Variants in SETD1B observed in about 807,000 individuals in gnomAD.
The protein encoded by SETD1B is SET domain containing 1B, histone lysine methyltransferase.
In SETD1B, 7 loss-of-function variants were observed where a neutral mutation model predicts 148.0. The observed-to-expected ratio is 0.05, with a 90% CI of 0.03 to 0.09. The LOEUF is 0.09. Ranked by LOEUF, SETD1B falls within the 10% of genes least tolerant of loss-of-function variation. SETD1B has a pLI of 1.00. For missense variants in SETD1B, 2,155 were observed against 2,729.9 expected (o/e 0.79, Z 4.69); for synonymous variants, 1,361 against 1,186.5 (o/e 1.15, Z -3.02).
intron 13 of SETD1B, 53 bp downstream of exon 13, chr12:121,825,419 A>G: frequency 6.7e-7 from 1 of 1,502,344 alleles, no homozygotes. Context: ...GGCCACGGGG[A>G]TCCAGGGCAC....
chr12:121,791,313 A>G, the SETD1B span, among the ~76,000 whole-genome samples: 11 of 152,174 alleles, frequency 7.2e-5, no homozygotes, highest in African/African-American at 1.9e-4. Flanking sequence ...TTTAGTAGAG[A>G]TGGGGTTTCA....
In SETD1B at chr12:121,810,724, G is replaced by T. The variant is rs1566549532; in HGVS notation, c.1779G>T (p.Arg593=). The T allele has an allele frequency of 1.3e-6, 2 of 1,551,248 alleles. No homozygotes were observed. Among genetic ancestry groups the T allele is most frequent in the Non-Finnish European group, 1.7e-6 (2 of 1,146,908 alleles). The part of the protein sequence containing the change: ...DEELDLGLGP[R]PPPEPGPPDP... ...AGCTCGACCTGGGCCTTGGGCCTCG[G>T]CCTCCACCTGAGCCAGGCCCCCCGG... Residue 593 remains arginine (R), a synonymous_variant, in exon 6 of 17, where the codon CGG becomes CGT. Coordinates refer to ENST00000604567, the MANE Select transcript of SETD1B (RefSeq NM_001353345.2). This position sits in a 1 kb window ranked among gnomAD's most constrained non-coding sequence, Gnocchi z 7.6.
chr12:121,817,924 C>T lies in SETD1B; in HGVS notation c.3418+20C>T, dbSNP rs755716107. On this transcript the variant is annotated intron_variant, in intron 10 of 16. Coordinates refer to ENST00000604567, the MANE Select transcript of SETD1B (RefSeq NM_001353345.2). This position sits in a 1 kb window ranked among gnomAD's most constrained non-coding sequence, Gnocchi z 8.1. ...ATGAAGGTGAGCAGGGAGGCCGTGG[C>T]TGCCTGGCCCTCCCGGAGTCCCTCT... 7.3e-6 allele frequency: 11 copies of T among 1,512,160 alleles called. No individual in the cohort carries two copies. In the Admixed American group the frequency reaches 9.1e-5, roughly 13 times the overall value. 93.7% of individuals were successfully genotyped at this position (1,512,160 alleles called of 1,614,324 possible).
rs944810562 is a variant in SETD1B, at chr12:121,804,688, C to G, written c.-14-36C>G. 2.6e-6 allele frequency: 4 copies of G among 1,533,270 alleles called. No homozygotes were observed. Among genetic ancestry groups the G allele is most frequent in the African/African-American group, 1.4e-5 (1 of 71,698 alleles). The allele number at this position is 1,533,270 out of a possible 1,614,324, so 95.0% of individuals were successfully genotyped here. On this transcript the variant is annotated intron_variant, in intron 1 of 16. Transcript: ENST00000604567. The surrounding 1 kb of genome is among the most constrained non-coding windows in gnomAD (Gnocchi z 4.6). ...TGTGTAGAAGCGGCCGCCGCCGCCG[C>G]CGCGGCGGAGACGACAACAACTTGC...
At chr12:121,811,448 G>T (rs1876030012) in intron 6 of SETD1B, among the ~76,000 whole-genome samples, 2 of 151,670 alleles carry the variant, frequency 1.3e-5, no homozygotes, top group Non-Finnish European at 2.9e-5. Context: ...GGTGGGGGTG[G>T]GGTGCCATGT....
chr12:121,801,268 C>T (rs1875347485), upstream of SETD1B: 8 of 152,304 alleles, frequency 5.3e-5, no homozygotes, highest in Admixed American at 5.2e-4. Flanking sequence ...CTCCAAAGCA[C>T]TTCAATTTCT....
Position 121,810,031 on chromosome 12 carries a change from C to T in SETD1B, c.1086C>T (p.Gly362=). ...TCGGAGCAGTCGGCGGCACTGGGGG[C>T]AGCAGCGGTCCCCCGTTCAAGGCTC... The part of the protein sequence containing the change: ...LPFGAVGGTG[G]SSGPPFKAQP... The change falls in exon 6 of 17, where the codon GGC becomes GGT. Residue 362 remains glycine, a synonymous_variant. Coordinates refer to ENST00000604567, the MANE Select transcript of SETD1B (RefSeq NM_001353345.2). This position sits in a 1 kb window ranked among gnomAD's most constrained non-coding sequence, Gnocchi z 7.6. 6.5e-7 allele frequency: 1 copy of T among 1,550,382 alleles called. No homozygotes were observed. Among genetic ancestry groups the T allele is most frequent in the South Asian group, 1.2e-5 (1 of 84,064 alleles).
At position 121,817,069 on chromosome 12, in the gene SETD1B, G is replaced by A; in HGVS notation, c.2752G>A (p.Asp918Asn). 1.3e-6 allele frequency: 2 copies of A among 1,544,568 alleles called. No homozygotes were observed. Among genetic ancestry groups the A allele is most frequent in the Non-Finnish European group, 1.7e-6 (2 of 1,143,092 alleles). Residue 918 changes from aspartate to asparagine, a missense_variant, in exon 8 of 17, where the codon GAC becomes AAC. Physicochemically the swap from Asp to Asn is conservative, Grantham distance 23. Around this residue, in one of 11 missense-constraint regions of SETD1B, gnomAD observed 289 missense variants for 423.7 expected, o/e 0.68. Transcript: ENST00000604567. The surrounding 1 kb of genome is among the most constrained non-coding windows in gnomAD (Gnocchi z 8.1). ...CCCGGTGAAGTCGGGCGAGCACAAGGACGAGGACAGGCCGAAGCCCAAGGA... is the reference window on the plus strand; with the variant it reads ...CCCGGTGAAGTCGGGCGAGCACAAGAACGAGGACAGGCCGAAGCCCAAGGA... ...LTPVKSGEHK[D>N]EDRPKPKDRI...
At chr12:121,796,434 C>T in the SETD1B span, among the ~76,000 whole-genome samples, 1 of 152,240 alleles carries the variant, frequency 6.6e-6, no homozygotes, top group African/African-American at 2.4e-5. Context: ...GGCCCAGCCA[C>T]TGCTGTGTTG....
chr12:121,805,288 C>T lies in SETD1B; in HGVS notation c.273+72C>T. ...AGTTCGAAAATAACGCCAGTCCTGA[C>T]CGAGCCCAGCCGGATTCCCAGTTCC... On this transcript the variant is annotated intron_variant, in intron 3 of 16. Coordinates refer to ENST00000604567, the MANE Select transcript of SETD1B (RefSeq NM_001353345.2). This position sits in a 1 kb window ranked among gnomAD's most constrained non-coding sequence, Gnocchi z 4.2. 1 of 1,258,190 alleles carries T rather than the reference C, an allele frequency of 7.9e-7. No homozygotes were observed. The allele number at this position is 1,258,190 out of a possible 1,614,324, so 77.9% of individuals were successfully genotyped here.
intron 13 of SETD1B, among the ~76,000 whole-genome samples, chr12:121,827,298 A>G (rs1419547007): frequency 6.6e-6 from 1 of 152,174 alleles, no homozygotes; most frequent in Non-Finnish European, 1.5e-5. Context: ...AGCGCCAGGC[A>G]AGAGTGAGTC....
chr12:121,815,828 T>TTTC (rs1876268827), intron 7 of SETD1B, among the ~76,000 whole-genome samples: 1 of 148,096 alleles, frequency 6.8e-6, no homozygotes, highest in Non-Finnish European at 1.5e-5. Context: ...TCTTTCTTTT[T>TTTC]TTTTTTTTTT....
At chr12:121,793,396 G>C in the SETD1B span, 1 of 1,481,762 alleles carries the variant, frequency 6.7e-7, no homozygotes, top group Non-Finnish European at 9.1e-7. Context: ...GGTGGCGGCC[G>C]CCTGTCCGTG....
the SETD1B span, among the ~76,000 whole-genome samples, chr12:121,791,013 A>G: frequency 3.5e-4 from 53 of 151,846 alleles, no homozygotes; most frequent in African/African-American, 1.2e-3. Context: ...AGCTGGGACT[A>G]TAGGTATGTG....
At chr12:121,797,436 A>T in the SETD1B span, 1 of 456,064 alleles carries the variant, frequency 2.2e-6, no homozygotes, top group African/African-American at 2.0e-5. Flanking sequence ...CAGGAGGACA[A>T]ACTGCCTCAC....
In SETD1B at chr12:121,814,367, C is replaced by G; in HGVS notation, c.2152C>G (p.Pro718Ala). The change falls in exon 7 of 17, where the codon CCA becomes GCA. Residue 718 changes from proline (P) to alanine (A), a missense_variant. Pro to Ala is a conservative substitution (Grantham distance 27). Around this residue, in one of 11 missense-constraint regions of SETD1B, gnomAD observed 295 missense variants for 303.8 expected, o/e 0.97. Coordinates refer to ENST00000604567, the MANE Select transcript of SETD1B (RefSeq NM_001353345.2). ...GCCCCCACCGCCGCCCCCACCCCCT[C>G]CAGCCCACCCTGCTGTGACAGTGCC... ...PLPPPPPPPP[P>A]AHPAVTVPPP... 1 of 994,904 alleles carries G rather than the reference C, an allele frequency of 1.0e-6. No individual in the cohort carries two copies. Among genetic ancestry groups the G allele is most frequent in the Non-Finnish European group, 1.4e-6 (1 of 715,540 alleles). The allele number at this position is 994,904 out of a possible 1,614,324, so 61.6% of individuals were successfully genotyped here.
chr12:121,827,478 C>G, intron 13 of SETD1B, 41 bp from the exon 14 acceptor site: 1 of 1,497,370 alleles, frequency 6.7e-7, no homozygotes, highest in Non-Finnish European at 8.9e-7. Flanking sequence ...CCGCCGAGGA[C>G]ACGGCCAGCT....
At position 121,817,298 on chromosome 12, in the gene SETD1B, C is replaced by A; in HGVS notation, c.2977+4C>A. The A allele has an allele frequency of 6.5e-7, 1 of 1,549,212 alleles. No homozygotes were observed. The highest frequency in any genetic ancestry group is 8.7e-7 in the Non-Finnish European group (1 of 1,145,888). On this transcript the variant is annotated splice_donor_region_variant and intron_variant, in intron 8 of 16. Coordinates refer to ENST00000604567, the MANE Select transcript of SETD1B (RefSeq NM_001353345.2). The surrounding 1 kb of genome is among the most constrained non-coding windows in gnomAD (Gnocchi z 8.1). Reference sequence around the variant, plus strand: ...TCTGTGGATGAGGAAGATGAAGGTTCGTGCTCTGGGTGCTGGGGTCCCCTT... The same window carrying A: ...TCTGTGGATGAGGAAGATGAAGGTTAGTGCTCTGGGTGCTGGGGTCCCCTT...
rs1283109280 is a variant in SETD1B at position 121,817,051 on chromosome 12, A to C, written c.2734A>C (p.Lys912Gln). 7.8e-6 allele frequency: 12 copies of C among 1,530,020 alleles called. No individual in the cohort carries two copies. In the Admixed American group the frequency reaches 1.6e-4, roughly 21 times the overall value. 94.8% of individuals were successfully genotyped at this position (1,530,020 alleles called of 1,614,324 possible). The change falls in exon 8 of 17, where the codon AAG (lysine) becomes CAG (glutamine). Residue 912 changes from lysine (K) to glutamine (Q), a missense_variant. Coordinates refer to ENST00000604567, the MANE Select transcript of SETD1B (RefSeq NM_001353345.2). This position sits in a 1 kb window ranked among gnomAD's most constrained non-coding sequence, Gnocchi z 8.1. The part of the protein sequence containing the change: ...RMAKASLTPV[K>Q]SGEHKDEDRP... Reference sequence around the variant, plus strand: ...ACCCCAGGCCTCGCTGACCCCGGTGAAGTCGGGCGAGCACAAGGACGAGGA... The same window carrying C: ...ACCCCAGGCCTCGCTGACCCCGGTGCAGTCGGGCGAGCACAAGGACGAGGA...
Sources: allele counts gnomAD v4.1 joint callset (sites outside exome capture counted in the v4.1 genomes callset), GRCh38; gene constraint gnomAD v4.1.1; regional missense constraint gnomAD v4.1.1; non-coding constraint Gnocchi (gnomAD v3.1); transcripts MANE v1.5; gene names NCBI Gene and HGNC (gene_info 2026-07-23, HGNC 2026-07-21).